The following SSBP3 variants were observed in gnomAD, a reference collection of about 807,000 sequenced individuals.
SSBP3 encodes single stranded DNA binding protein 3, also known as single-stranded DNA-binding protein 3.
Under a neutral mutation model 69.6 loss-of-function variants are expected in SSBP3, and 5 were observed. The observed-to-expected ratio is 0.07, with a 90% CI of 0.04 to 0.15. The LOEUF (loss-of-function observed/expected upper bound fraction) is 0.15. Ranked by LOEUF, SSBP3 falls within the 10% of genes least tolerant of loss-of-function variation. The pLI, the probability that SSBP3 is intolerant of heterozygous loss-of-function variation, is 1.00. For missense variants in SSBP3, 312 were observed against 534.0 expected (o/e 0.58, Z 4.10); for synonymous variants, 196 against 193.4 (o/e 1.01, Z -0.11).
chr1:54,386,410 C>G (rs1263496733), intron 4 of SSBP3, among the ~76,000 whole-genome samples: 1 of 152,132 alleles, frequency 6.6e-6, no homozygotes, highest in Non-Finnish European at 1.5e-5. Flanking sequence ...CTCCCAGGAG[C>G]TGGGGAGGAT....
chr1:54,244,422 T>A (rs912989080), intron 9 of SSBP3, among the ~76,000 whole-genome samples: 9 of 150,380 alleles, frequency 6.0e-5, no homozygotes, highest in Non-Finnish European at 1.3e-4. Context: ...ATTTTTAAAT[T>A]TTTTTGTAGA....
chr1:54,258,234 C>A lies in SSBP3; in HGVS notation c.367-85G>T. 33 of 844,644 alleles carry A rather than the reference C, an allele frequency of 3.9e-5. No homozygotes were observed. Among genetic ancestry groups the A allele is most frequent in the Non-Finnish European group, 4.6e-5 (28 of 615,204 alleles). 52.3% of individuals were successfully genotyped at this position (844,644 alleles called of 1,614,324 possible). A position where few individuals can be genotyped will look rare whatever the true frequency, so the allele number is the denominator to read the frequency against. On this transcript the variant is annotated intron_variant, in intron 5 of 17. Coordinates refer to ENST00000610401, the Ensembl canonical transcript of SSBP3. The surrounding 1 kb of genome is among the most constrained non-coding windows in gnomAD (Gnocchi z 4.5). ...CAGCTTAAAAGAACAAAAATTAAAC[C>A]AAAACGAAGGGTGGGCGGCGGGCGT...
At chr1:54,365,944 T>G (rs1647023061) in intron 4 of SSBP3, among the ~76,000 whole-genome samples, 1 of 152,206 alleles carries the variant, frequency 6.6e-6, no homozygotes, top group Non-Finnish European at 1.5e-5. Flanking sequence ...TGCCTAAGTT[T>G]ACTCATCTGG....
chr1:54,312,654 A>C (rs1426491931), intron 4 of SSBP3, among the ~76,000 whole-genome samples: 2 of 152,096 alleles, frequency 1.3e-5, no homozygotes, highest in Non-Finnish European at 2.9e-5. Context: ...AAGGAAAGAG[A>C]TGACCCCTCT....
intron 4 of SSBP3, among the ~76,000 whole-genome samples, chr1:54,324,892 C>T (rs1043370564): frequency 6.6e-6 from 1 of 152,078 alleles, no homozygotes; most frequent in African/African-American, 2.4e-5. Flanking sequence ...TGACATGTTG[C>T]CAAACTTCCC....
chr1:54,403,133 G>A (rs1649425058), intron 3 of SSBP3, among the ~76,000 whole-genome samples: 1 of 152,118 alleles, frequency 6.6e-6, no homozygotes, highest in Non-Finnish European at 1.5e-5. Context: ...CTACCAAACA[G>A]GGCCACAGCC....
At chr1:54,249,878 G>A (rs1403867108) in intron 9 of SSBP3, among the ~76,000 whole-genome samples, 3 of 151,952 alleles carry the variant, frequency 2.0e-5, no homozygotes, top group East Asian at 3.9e-4. Flanking sequence ...AGATGCAGCC[G>A]CTGAGCCTCT....
intron 4 of SSBP3, among the ~76,000 whole-genome samples, chr1:54,330,133 G>A (rs911540267): frequency 3.9e-5 from 6 of 151,998 alleles, no homozygotes; most frequent in Non-Finnish European, 7.4e-5. Context: ...TGGATCCCCC[G>A]CACAGGCAGC....
chr1:54,306,142 T>C (rs545235179), intron 4 of SSBP3, among the ~76,000 whole-genome samples: 30 of 152,142 alleles, frequency 2.0e-4, no homozygotes, highest in African/African-American at 7.2e-4. Context: ...TCCTGGACTG[T>C]AAGCACCCCT....
At chr1:54,265,024 TGATA>T (rs989469928) in intron 5 of SSBP3, among the ~76,000 whole-genome samples, 1 of 152,190 alleles carries the variant, frequency 6.6e-6, no homozygotes, top group African/African-American at 2.4e-5. Flanking sequence ...AAAAGGCACT[TGATA>T]GACAATCCAA....
chr1:54,383,563 A>C (rs1310699422), intron 4 of SSBP3, among the ~76,000 whole-genome samples: 1 of 152,212 alleles, frequency 6.6e-6, no homozygotes. Flanking sequence ...CTAAGCAAAC[A>C]CAAGTCTTCT....
intron 4 of SSBP3, among the ~76,000 whole-genome samples, chr1:54,363,237 T>C (rs547244663): frequency 6.6e-6 from 1 of 152,252 alleles, no homozygotes; most frequent in Non-Finnish European, 1.5e-5. Flanking sequence ...AATCCAGAAC[T>C]GCAAACCTCC....
At chr1:54,290,407 T>C (rs17110262) in intron 4 of SSBP3, among the ~76,000 whole-genome samples, 5,190 of 152,296 alleles carry the variant, frequency 0.034, 236 homozygotes, top group Middle Eastern at 0.1. Context: ...AAGGACCACG[T>C]GCTGACGTCC....
intron 4 of SSBP3, among the ~76,000 whole-genome samples, chr1:54,395,621 GAC>G (rs1648809006): frequency 6.6e-6 from 1 of 152,178 alleles, no homozygotes; most frequent in East Asian, 1.9e-4. Flanking sequence ...ATTGACGGAT[GAC>G]TGTACTATAT....
chr1:54,382,952 TC>T (rs1647777996), intron 4 of SSBP3, among the ~76,000 whole-genome samples: 1 of 123,546 alleles, frequency 8.1e-6, no homozygotes, highest in South Asian at 2.4e-4. Flanking sequence ...GCCATTGCAC[TC>T]CAGCCTGGGC....
intron 4 of SSBP3, among the ~76,000 whole-genome samples, chr1:54,334,908 G>A (rs536062521): frequency 7.4e-4 from 113 of 152,268 alleles, no homozygotes; most frequent in Middle Eastern, 6.8e-3. Flanking sequence ...CACATTGTAG[G>A]ACTTTACATT....
intron 4 of SSBP3, among the ~76,000 whole-genome samples, chr1:54,310,829 G>C (rs533095576): frequency 7.2e-5 from 11 of 152,206 alleles, no homozygotes; most frequent in South Asian, 2.1e-4. Flanking sequence ...CTGTGAGGAT[G>C]GGGGGAGAAC....
intron 4 of SSBP3, among the ~76,000 whole-genome samples, chr1:54,377,604 C>T (rs140276152): frequency 2.0e-5 from 3 of 152,248 alleles, no homozygotes; most frequent in South Asian, 2.1e-4. Context: ...GCATTTCCAG[C>T]GACAGACACC....
At chr1:54,350,568 A>C (rs1435515060) in intron 4 of SSBP3, among the ~76,000 whole-genome samples, 2 of 152,188 alleles carry the variant, frequency 1.3e-5, no homozygotes, top group Non-Finnish European at 2.9e-5. Context: ...ACATGTGCAC[A>C]ACCCGGGTTT....
Sources: gnomAD v4.1 joint callset for allele counts (sites outside exome capture counted in the v4.1 genomes callset) on GRCh38, gnomAD v4.1.1 for gene constraint, Gnocchi (gnomAD v3.1) non-coding constraint, MANE v1.5 for transcripts, NCBI Gene and HGNC (gene_info 2026-07-23, HGNC 2026-07-21) for gene names.